The following DNAH7 variants were observed in gnomAD, a reference collection of about 807,000 sequenced individuals.
DNAH7 encodes the protein axonemal beta dynein heavy chain 7.
A neutral mutation model predicts 444.6 loss-of-function variants in DNAH7; 397 were observed. The ratio of observed to expected loss-of-function variants is 0.89; its 90% CI spans 0.82 to 0.97. The LOEUF is 0.97. Ranked by LOEUF, DNAH7 falls within the 50% of genes least tolerant of loss-of-function variation. The pLI is 0.00. For missense variants in DNAH7, 4,902 were observed against 4,800.8 expected (o/e 1.02, Z -0.62); for synonymous variants, 1,636 against 1,624.4 (o/e 1.01, Z -0.17).
At chr2:195,791,191 G>C (rs1293949270) in intron 57 of DNAH7, among the ~76,000 whole-genome samples, 2 of 151,938 alleles carry the variant, frequency 1.3e-5, no homozygotes, top group African/African-American at 4.8e-5. Flanking sequence ...GTCAAGGCCA[G>C]GCTCGGTGGC....
At chr2:195,765,569 T>C (rs942210119) in intron 61 of DNAH7, among the ~76,000 whole-genome samples, 1 of 152,010 alleles carries the variant, frequency 6.6e-6, no homozygotes. Flanking sequence ...GGGCAAAAGA[T>C]CTGAATAGAC....
chr2:195,776,626 AT>A (rs200768398), intron 59 of DNAH7, among the ~76,000 whole-genome samples: 1,955 of 151,544 alleles, frequency 0.013, 38 homozygotes, highest in East Asian at 0.069. Flanking sequence ...CAATAAAAAT[AT>A]TTTTTTTCTG....
intron 49 of DNAH7, among the ~76,000 whole-genome samples, chr2:195,820,273 C>T (rs968458303): frequency 6.6e-6 from 1 of 151,532 alleles, no homozygotes; most frequent in Non-Finnish European, 1.5e-5. Flanking sequence ...GGGAGGGGGA[C>T]ATCACACACT....
intron 5 of DNAH7, among the ~76,000 whole-genome samples, chr2:196,036,706 C>T (rs555257513): frequency 2.5e-4 from 38 of 152,230 alleles, no homozygotes; most frequent in African/African-American, 7.0e-4. Flanking sequence ...GGCCTGTGGC[C>T]GACACCAATA....
At chr2:195,741,419 G>A (rs929814912) in intron 63 of DNAH7, among the ~76,000 whole-genome samples, 3 of 152,180 alleles carry the variant, frequency 2.0e-5, no homozygotes, top group African/African-American at 7.2e-5. Flanking sequence ...AGAATGTCAT[G>A]TTGTACACTA....
At chr2:195,841,146 G>T (rs926600489) in intron 47 of DNAH7, among the ~76,000 whole-genome samples, 1 of 151,748 alleles carries the variant, frequency 6.6e-6, no homozygotes, top group African/African-American at 2.4e-5. Context: ...CAACAAAGAC[G>T]TAAAGGCAAT....
At chr2:196,014,648 T>C (rs1183895216) in intron 9 of DNAH7, among the ~76,000 whole-genome samples, 5 of 152,160 alleles carry the variant, frequency 3.3e-5, no homozygotes, top group Admixed American at 3.3e-4. Context: ...ATCAAGTCAG[T>C]CTCTACCTTT....
intron 54 of DNAH7, among the ~76,000 whole-genome samples, chr2:195,800,985 A>C (rs1026683884): frequency 2.0e-5 from 3 of 152,148 alleles, no homozygotes; most frequent in African/African-American, 7.2e-5. Context: ...GTGCTGACAA[A>C]ACAAATGGAA....
intron 21 of DNAH7, 36 bp downstream of exon 21, chr2:195,934,555 C>T (rs1212637070): frequency 6.3e-7 from 1 of 1,581,762 alleles, no homozygotes; most frequent in African/African-American, 1.3e-5. Flanking sequence ...CATATTCTAG[C>T]ATCCTTTTCT....
chr2:195,936,194 T>C (rs1431220688), intron 20 of DNAH7, among the ~76,000 whole-genome samples: 1 of 151,730 alleles, frequency 6.6e-6, no homozygotes, highest in Non-Finnish European at 1.5e-5. Context: ...GCCAACATGG[T>C]GAAACCCTGT....
chr2:195,963,889 T>C (rs1262991025), intron 17 of DNAH7, among the ~76,000 whole-genome samples: 6 of 152,226 alleles, frequency 3.9e-5, no homozygotes, highest in Non-Finnish European at 8.8e-5. Context: ...AGTATGTCCT[T>C]GGCACTTTTC....
chr2:196,023,813 C>T (rs571195668), intron 8 of DNAH7, among the ~76,000 whole-genome samples: 5 of 152,252 alleles, frequency 3.3e-5, no homozygotes, highest in Non-Finnish European at 7.4e-5. Context: ...TTATTTCTAG[C>T]TTTTGATTTA....
At chr2:196,035,009 T>C (rs1465990451) in intron 5 of DNAH7, among the ~76,000 whole-genome samples, 20 of 152,030 alleles carry the variant, frequency 1.3e-4, no homozygotes, top group Admixed American at 1.3e-3. Flanking sequence ...TGGTGAAACC[T>C]CATCTCTACT....
At chr2:195,921,581 T>C (rs1688027809) in intron 24 of DNAH7, among the ~76,000 whole-genome samples, 1 of 152,064 alleles carries the variant, frequency 6.6e-6, no homozygotes, top group Admixed American at 6.6e-5. Context: ...CAATGGACTT[T>C]AGCGACTTGA....
Position 195,918,999 on chromosome 2 carries a change from C to T in DNAH7, c.3935+3089G>A, listed in dbSNP as rs539478469. Among the ~76,000 whole-genome samples, 51 of 152,048 alleles carry T rather than the reference C, an allele frequency of 3.4e-4. 1 individual carries two copies. In the South Asian group the frequency reaches 0.01, roughly 30 times the overall value. On this transcript the variant is annotated intron_variant, in intron 24 of 64. Coordinates refer to ENST00000312428, the MANE Select transcript of DNAH7 (RefSeq NM_018897.3). The stretch of plus-strand genomic sequence containing the variant: ...GGCGCAGTGGTTCAAGTGTGTAATC[C>T]CAGCACTTTGGGAGCCCGAGGCTGG...
intron 43 of DNAH7, among the ~76,000 whole-genome samples, chr2:195,858,068 AT>A (rs1431981124): frequency 6.6e-6 from 1 of 152,172 alleles, no homozygotes; most frequent in African/African-American, 2.4e-5. Flanking sequence ...CCCAAAAAAA[AT>A]CACTGGCAAA....
rs1427068923 is a variant in DNAH7 at position 195,936,564 on chromosome 2, A to C, written c.3272+35T>G. On this transcript the variant is annotated intron_variant, in intron 20 of 64. Coordinates refer to ENST00000312428, the MANE Select transcript of DNAH7 (RefSeq NM_018897.3). ...TCTAAAAATTAAGTTTAAGCAGATAAATTTAGTCATGTATTCTACATGTAA... is the reference window on the plus strand; with the variant it reads ...TCTAAAAATTAAGTTTAAGCAGATACATTTAGTCATGTATTCTACATGTAA... 2.7e-6 allele frequency: 4 copies of C among 1,470,238 alleles called. No individual in the cohort carries two copies. The African/African-American group carries it at 5.7e-5, about 21-fold the overall frequency. The allele number at this position is 1,470,238 out of a possible 1,614,324, so 91.1% of individuals were successfully genotyped here. A position where few individuals can be genotyped will look rare whatever the true frequency, so the allele number is the denominator to read the frequency against.
At chr2:195,902,904 T>C (rs1285201839) in intron 27 of DNAH7, 2 of 152,188 alleles carry the variant, frequency 1.3e-5, no homozygotes, top group African/African-American at 2.4e-5. Context: ...CGATTTTGGA[T>C]GTACCAGAAA....
chr2:195,834,076 A>C (rs533305961), intron 48 of DNAH7, 130 bp downstream of exon 48: 1 of 891,642 alleles, frequency 1.1e-6, no homozygotes, highest in African/African-American at 1.7e-5. Flanking sequence ...GCGTGGGGGC[A>C]TGTGCCTGTA....
Sources: gnomAD v4.1 joint callset for allele counts (sites outside exome capture counted in the v4.1 genomes callset) on GRCh38, gnomAD v4.1.1 for gene constraint, MANE v1.5 for transcripts, NCBI Gene and HGNC (gene_info 2026-07-23, HGNC 2026-07-21) for gene names.